The following FABP12 variants were observed in gnomAD, a reference collection of about 807,000 sequenced individuals.
FABP12 encodes the protein fatty acid binding protein 12, also known as fatty acid-binding protein 12.
Under a neutral mutation model 13.7 loss-of-function variants are expected in FABP12, and 19 were observed. That is an observed-to-expected ratio of 1.39 (90% CI 0.97 to 2.04). FABP12 has a LOEUF of 2.04. Among genes scored for constraint, FABP12 ranks in the 30% most tolerant of loss-of-function variants. The pLI, the probability that FABP12 is intolerant of heterozygous loss-of-function variation, is 0.00. For missense variants in FABP12, 182 were observed against 164.2 expected, an observed-to-expected ratio of 1.11 and a Z score of -0.59; for synonymous variants, 61 against 57.0, an observed-to-expected ratio of 1.07 and a Z score of -0.32.
chr8:81,527,751 G>GTGT (rs1254743532), intron 3 of FABP12, among the ~76,000 whole-genome samples: 6 of 152,134 alleles, frequency 3.9e-5, no homozygotes, highest in African/African-American at 1.4e-4. Flanking sequence ...TTCAAAATAA[G>GTGT]TGTGAAACTC....
At chr8:81,575,053 G>C (rs964025086) in intron 1 of FABP12, among the ~76,000 whole-genome samples, 1 of 151,808 alleles carries the variant, frequency 6.6e-6, no homozygotes, top group Non-Finnish European at 1.5e-5. Context: ...TAGAATGTCA[G>C]TTTGTGCACT....
upstream of FABP12, among the ~76,000 whole-genome samples, chr8:81,533,955 C>T (rs1258979340): frequency 6.6e-6 from 1 of 152,064 alleles, no homozygotes; most frequent in African/African-American, 2.4e-5. Context: ...ACTTGATATC[C>T]TATAGTCAAG....
intron 1 of FABP12, among the ~76,000 whole-genome samples, chr8:81,557,663 C>T (rs1809641873): frequency 6.6e-6 from 1 of 152,212 alleles, no homozygotes; most frequent in Non-Finnish European, 1.5e-5. Flanking sequence ...TCTGAAACTA[C>T]AGGGAACTCC....
upstream of FABP12, among the ~76,000 whole-genome samples, chr8:81,534,109 ACTCT>A (rs1013386109): frequency 2.0e-5 from 3 of 151,680 alleles, 1 homozygote; most frequent in South Asian, 6.3e-4. Context: ...ACATACACAC[ACTCT>A]CTCTCTCACA....
intron 1 of FABP12, among the ~76,000 whole-genome samples, chr8:81,541,636 CTG>C (rs768673257): frequency 2.6e-5 from 4 of 152,120 alleles, no homozygotes; most frequent in Non-Finnish European, 5.9e-5. Context: ...ATCCCTTACT[CTG>C]TGCCTGTGGA....
chr8:81,560,227 C>T (rs185785922), intron 1 of FABP12, among the ~76,000 whole-genome samples: 100 of 152,118 alleles, frequency 6.6e-4, no homozygotes, highest in Non-Finnish European at 9.1e-4. Context: ...CATAATTGGC[C>T]CCTACTGCCC....
At chr8:81,582,503 C>G (rs1810180935) in intron 1 of FABP12, among the ~76,000 whole-genome samples, 1 of 151,752 alleles carries the variant, frequency 6.6e-6, no homozygotes, top group African/African-American at 2.4e-5. Flanking sequence ...TAAAAGTAAA[C>G]AGATTGAAAA....
intron 1 of FABP12, among the ~76,000 whole-genome samples, chr8:81,555,391 T>C (rs774617251): frequency 6.6e-6 from 1 of 152,208 alleles, no homozygotes; most frequent in Non-Finnish European, 1.5e-5. Context: ...ACTTTAATTG[T>C]TTTTAGAAAT....
chr8:81,551,352 G>A (rs1390827904), intron 1 of FABP12, among the ~76,000 whole-genome samples: 1 of 152,170 alleles, frequency 6.6e-6, no homozygotes, highest in Non-Finnish European at 1.5e-5. Flanking sequence ...TCTGGTCACA[G>A]TCTTGCCTAT....
intron 1 of FABP12, among the ~76,000 whole-genome samples, chr8:81,557,086 G>C (rs1425462205): frequency 6.6e-6 from 1 of 151,876 alleles, no homozygotes; most frequent in Non-Finnish European, 1.5e-5. Context: ...TGTTGGCCAG[G>C]CTGGTCTCGA....
At chr8:81,543,247 C>T (rs1809381590) in intron 1 of FABP12, among the ~76,000 whole-genome samples, 1 of 152,156 alleles carries the variant, frequency 6.6e-6, no homozygotes, top group Admixed American at 6.5e-5. Flanking sequence ...ATTTATCCCT[C>T]CCATATTAAC....
At chr8:81,576,520 A>AAC (rs1210155394) in intron 1 of FABP12, among the ~76,000 whole-genome samples, 15 of 149,546 alleles carry the variant, frequency 1.0e-4, no homozygotes, top group East Asian at 1.9e-4. Context: ...CAAACACACA[A>AAC]ACACACACAC....
chr8:81,587,528 T>C (rs956312033), intron 1 of FABP12, among the ~76,000 whole-genome samples: 2 of 152,150 alleles, frequency 1.3e-5, no homozygotes, highest in Admixed American at 6.5e-5. Context: ...GCTGTATTTA[T>C]AGATATTTTA....
At position 81,570,912 on chromosome 8, in the gene FABP12, C is replaced by T. The variant is rs531926419; in HGVS notation, c.-185+19141G>A. Among the ~76,000 whole-genome samples, 268 of 152,212 alleles carry T rather than the reference C, an allele frequency of 1.8e-3. 1 individual carries two copies. Among genetic ancestry groups the T allele is most frequent in the Non-Finnish European group, 3.1e-3 (211 of 67,990 alleles). ...GCCCAGCCCCCAGCCTTCAGGCCCTCCCTGGCCTGAAGATGGGACCTCACA... is the reference window on the plus strand; with the variant it reads ...GCCCAGCCCCCAGCCTTCAGGCCCTTCCTGGCCTGAAGATGGGACCTCACA... On this transcript the variant is annotated intron_variant, in intron 1 of 5. Transcript: ENST00000692030.
chr8:81,542,023 G>T (rs1809357496), intron 1 of FABP12, among the ~76,000 whole-genome samples: 1 of 151,212 alleles, frequency 6.6e-6, no homozygotes, highest in Non-Finnish European at 1.5e-5. Flanking sequence ...AAACTAGAAA[G>T]GTAAACAACT....
At chr8:81,545,758 T>C (rs1483526350) in intron 1 of FABP12, among the ~76,000 whole-genome samples, 1 of 152,210 alleles carries the variant, frequency 6.6e-6, no homozygotes, top group Non-Finnish European at 1.5e-5. Flanking sequence ...TAAAAGTTTT[T>C]TGGACTTAAA....
intron 2 of FABP12, among the ~76,000 whole-genome samples, chr8:81,529,972 A>G (rs570185090): frequency 1.3e-5 from 2 of 152,362 alleles, no homozygotes; most frequent in East Asian, 3.9e-4. Context: ...TTTTAAAATT[A>G]TATCCACTCA....
intron 1 of FABP12, among the ~76,000 whole-genome samples, chr8:81,557,747 G>T (rs557687553): frequency 6.6e-6 from 1 of 152,156 alleles, no homozygotes; most frequent in Non-Finnish European, 1.5e-5. Flanking sequence ...TTCCTATAGC[G>T]AGTCTTTTAG....
chr8:81,544,936 T>C (rs1285507875), intron 1 of FABP12, among the ~76,000 whole-genome samples: 2 of 152,214 alleles, frequency 1.3e-5, no homozygotes, highest in Non-Finnish European at 2.9e-5. Flanking sequence ...TAAAATGATA[T>C]TGTGTAATTC....
Sources: gnomAD v4.1 joint callset for allele counts (sites outside exome capture counted in the v4.1 genomes callset) on GRCh38, gnomAD v4.1.1 for gene constraint, MANE v1.5 for transcripts, NCBI Gene and HGNC (gene_info 2026-07-23, HGNC 2026-07-21) for gene names.